Variants in EBF3 observed in about 807,000 individuals in gnomAD.
EBF3 encodes the protein EBF transcription factor 3.
EBF3 carries 18 observed loss-of-function variants against 77.1 expected under a neutral mutation model. The ratio of observed to expected loss-of-function variants is 0.23; its 90% CI spans 0.16 to 0.35. The LOEUF is 0.35. EBF3 is among the 10% of genes least tolerant of loss of function. EBF3 has a pLI of 1.00. For synonymous variants in EBF3, 350 were observed against 343.5 expected (o/e 1.02, Z -0.21); for missense variants, 558 against 860.0 (o/e 0.65, Z 4.39).
intron 7 of EBF3, among the ~76,000 whole-genome samples, chr10:129,877,410 G>A (rs1852861123): frequency 6.7e-6 from 1 of 149,514 alleles, no homozygotes; most frequent in African/African-American, 2.5e-5. Context: ...GAACCTGGGA[G>A]GCGGAGGTTG....
Position 129,944,015 on chromosome 10 carries a change from T to C in EBF3, c.554+13243A>G, listed in dbSNP as rs897212503. On this transcript the variant is annotated intron_variant, in intron 6 of 16. Coordinates refer to ENST00000440978, the MANE Select transcript of EBF3 (RefSeq NM_001375380.1). The surrounding 1 kb of genome is among the most constrained non-coding windows in gnomAD (Gnocchi z 5.1). ...GCGTGATTTCTGAGTTGATTAACAT[T>C]TCATCTCTAGTGTTATGTTATTATC... Among the ~76,000 whole-genome samples the C allele has an allele frequency of 6.6e-6, 1 of 152,218 alleles. No homozygotes were observed. The highest frequency in any genetic ancestry group is 2.4e-5 in the African/African-American group (1 of 41,448).
intron 7 of EBF3, among the ~76,000 whole-genome samples, chr10:129,875,552 C>T (rs1852716773): frequency 6.6e-6 from 1 of 152,232 alleles, no homozygotes; most frequent in Admixed American, 6.5e-5. Flanking sequence ...AGGGGCGGTA[C>T]ACACGCATCC....
chr10:129,847,837 C>G (rs1850584322), intron 11 of EBF3, among the ~76,000 whole-genome samples: 1 of 152,172 alleles, frequency 6.6e-6, no homozygotes, highest in Non-Finnish European at 1.5e-5. Context: ...CAGCTTTTGT[C>G]TTTGTTGAAT....
chr10:129,899,334 A>G (rs532618024), intron 6 of EBF3, among the ~76,000 whole-genome samples: 2 of 152,352 alleles, frequency 1.3e-5, no homozygotes, highest in East Asian at 3.9e-4. Context: ...TGATGCCAGC[A>G]GAGTGCCACA....
intron 6 of EBF3, among the ~76,000 whole-genome samples, chr10:129,914,287 T>A (rs1855722610): frequency 6.6e-6 from 1 of 152,070 alleles, no homozygotes. Context: ...GCATCTGTGA[T>A]TTTCCCTTGG....
chr10:129,955,201 T>C (rs990856162), intron 6 of EBF3, among the ~76,000 whole-genome samples: 3 of 152,208 alleles, frequency 2.0e-5, no homozygotes, highest in Non-Finnish European at 4.4e-5. Flanking sequence ...ATGCTAAAAA[T>C]GTACATTGTA....
chr10:129,914,790 G>C (rs1855761358), intron 6 of EBF3, among the ~76,000 whole-genome samples: 1 of 152,140 alleles, frequency 6.6e-6, no homozygotes, highest in African/African-American at 2.4e-5. Context: ...CTACTCACCA[G>C]GTGTCAGGCC....
intron 8 of EBF3, 57 bp downstream of exon 8, chr10:129,873,395 A>G (rs1852539011): frequency 2.1e-6 from 3 of 1,446,030 alleles, no homozygotes; most frequent in Admixed American, 4.9e-5. Context: ...AACATAAAGG[A>G]TGGTGCAAAG....
chr10:129,931,483 G>A (rs1857022844), intron 6 of EBF3, among the ~76,000 whole-genome samples: 1 of 152,202 alleles, frequency 6.6e-6, no homozygotes, highest in South Asian at 2.1e-4. Flanking sequence ...AGTGATGAAT[G>A]CACTCAGGTC....
chr10:129,871,910 G>A (rs1317054181), intron 8 of EBF3, among the ~76,000 whole-genome samples: 2 of 152,142 alleles, frequency 1.3e-5, no homozygotes, highest in Non-Finnish European at 2.9e-5. Context: ...GAAACAAACA[G>A]GAAAAAATCC....
rs948610269 is a variant in EBF3, at chr10:129,870,752, C to G, written c.781+2700G>C. Reference sequence around the variant, plus strand: ...ATGTCAAAACGGGAGCGTGACTCAACTTGGAAACCCGTGTTGGAGACCCAT... The same window carrying G: ...ATGTCAAAACGGGAGCGTGACTCAAGTTGGAAACCCGTGTTGGAGACCCAT... On this transcript the variant is annotated intron_variant, in intron 8 of 16. Transcript: ENST00000440978. The surrounding 1 kb of genome is among the most constrained non-coding windows in gnomAD (Gnocchi z 4.4). Among the ~76,000 whole-genome samples the G allele has an allele frequency of 2.0e-5, 3 of 152,186 alleles. No homozygotes were observed. Among genetic ancestry groups the G allele is most frequent in the African/African-American group, 7.2e-5 (3 of 41,446 alleles).
In EBF3 at chr10:129,840,479, C is replaced by T. The variant is rs542011360; in HGVS notation, c.1562-37G>A. The T allele has an allele frequency of 8.4e-5, 129 of 1,537,654 alleles. No individual in the cohort carries two copies. The Middle Eastern group carries it at 8.9e-4, about 11-fold the overall frequency. On this transcript the variant is annotated intron_variant, in intron 14 of 16. Transcript: ENST00000440978. ...CAAACACGGTCAGCACGCGCGGCCG[C>T]GGCACAGCGCCACGGCGAGAGGGCA...
chr10:129,848,426 G>A lies in EBF3; in HGVS notation c.1094C>T (p.Pro365Leu). ...YGFQRLQKVI[P>L]RHPGDPERLP... is the part of the protein sequence containing the mutation. ...CCTTTCGGGATCACCCGGATGTCTTGGGATCACTTTCTGCAACCTCTGAAA... is the reference window on the plus strand; with the variant it reads ...CCTTTCGGGATCACCCGGATGTCTTAGGATCACTTTCTGCAACCTCTGAAA... The change falls in exon 11 of 17, where the codon CCA (proline) becomes CTA (leucine). Residue 365 changes from proline to leucine, a missense_variant. Physicochemically the swap from Pro to Leu is moderately conservative, Grantham distance 98. Coordinates refer to ENST00000440978, the MANE Select transcript of EBF3 (RefSeq NM_001375380.1). The surrounding 1 kb of genome is among the most constrained non-coding windows in gnomAD (Gnocchi z 4.4). 1 of 1,614,176 alleles carries A rather than the reference G, an allele frequency of 6.2e-7. No individual in the cohort carries two copies. The highest frequency in any genetic ancestry group is 8.5e-7 in the Non-Finnish European group (1 of 1,180,036).
At chr10:129,858,725 T>A (rs1199297001) in intron 10 of EBF3, among the ~76,000 whole-genome samples, 4 of 152,138 alleles carry the variant, frequency 2.6e-5, no homozygotes, top group Non-Finnish European at 5.9e-5. Context: ...ATTTCCTGAC[T>A]TTAGGCTTCC....
intron 6 of EBF3, among the ~76,000 whole-genome samples, chr10:129,919,332 G>A (rs1195888983): frequency 1.3e-5 from 2 of 152,096 alleles, no homozygotes; most frequent in African/African-American, 4.8e-5. Flanking sequence ...CAGTGGAGGC[G>A]GAGGCTGGGA....
At chr10:129,892,159 C>T (rs892238809) in intron 6 of EBF3, among the ~76,000 whole-genome samples, 2 of 152,196 alleles carry the variant, frequency 1.3e-5, no homozygotes, top group Non-Finnish European at 2.9e-5. Flanking sequence ...GGTCTCTCCC[C>T]GGGTCCCAGG....
Position 129,841,043 on chromosome 10 carries a change from C to CCCAA in EBF3, c.1373-12_1373-11insTTGG. The stretch of plus-strand genomic sequence containing the variant: ...TGCGACTGTAGCCGACTGTTGAAAT[C>CCCAA]CCCCCCCCGGCCAAAAATAACATTA... On this transcript the variant is annotated splice_polypyrimidine_tract_variant and intron_variant, in intron 13 of 16. Coordinates refer to ENST00000440978, the MANE Select transcript of EBF3 (RefSeq NM_001375380.1). This position sits in a 1 kb window ranked among gnomAD's most constrained non-coding sequence, Gnocchi z 4.6. 7.4e-7 allele frequency: 1 copy of CCCAA among 1,350,210 alleles called. No individual in the cohort carries two copies. Among genetic ancestry groups the CCCAA allele is most frequent in the Non-Finnish European group, 9.9e-7 (1 of 1,013,820 alleles). The allele number at this position is 1,350,210 out of a possible 1,614,324, so 83.6% of individuals were successfully genotyped here. A position where few individuals can be genotyped will look rare whatever the true frequency, so the allele number is the denominator to read the frequency against.
At chr10:129,927,110 C>T (rs908931366) in intron 6 of EBF3, among the ~76,000 whole-genome samples, 3 of 152,186 alleles carry the variant, frequency 2.0e-5, no homozygotes, top group African/African-American at 7.2e-5. Flanking sequence ...CACTGCCAGT[C>T]CATTCAGTTG....
Position 129,963,280 on chromosome 10 carries a change from A to AG in EBF3, c.291+86dup. The AG allele has an allele frequency of 3.9e-6, 6 of 1,525,666 alleles. No individual in the cohort carries two copies. The highest frequency in any genetic ancestry group is 2.7e-5 in the East Asian group (1 of 37,644). The allele number at this position is 1,525,666 out of a possible 1,614,324, so 94.5% of individuals were successfully genotyped here. A position where few individuals can be genotyped will look rare whatever the true frequency, so the allele number is the denominator to read the frequency against. On this transcript the variant is annotated intron_variant, in intron 2 of 16. Transcript: ENST00000440978. This position sits in a 1 kb window ranked among gnomAD's most constrained non-coding sequence, Gnocchi z 7.1. ...CCTGGCGGAGCCGAGCCCGCCGCCT[A>AG]GGGGGGCACTCGAACCCCCGCGCAC...
Sources: allele counts gnomAD v4.1 joint callset (sites outside exome capture counted in the v4.1 genomes callset), GRCh38; gene constraint gnomAD v4.1.1; non-coding constraint Gnocchi (gnomAD v3.1); transcripts MANE v1.5; gene names NCBI Gene and HGNC (gene_info 2026-07-23, HGNC 2026-07-21).